Variants in SREBF2 observed in about 807,000 individuals in gnomAD.
The protein encoded by SREBF2 is sterol regulatory element binding transcription factor 2, also known as sterol regulatory element-binding protein 2.
Under a neutral mutation model 113.1 loss-of-function variants are expected in SREBF2, and 55 were observed. That is an observed-to-expected ratio of 0.49 (90% CI 0.39 to 0.61). SREBF2 has a LOEUF of 0.61. SREBF2 is among the 20% of genes least tolerant of loss of function. The pLI is 0.00. For missense variants in SREBF2, 1,349 were observed against 1,487.4 expected, an observed-to-expected ratio of 0.91 and a Z score of 1.53; for synonymous variants, 593 against 605.7, an observed-to-expected ratio of 0.98 and a Z score of 0.31.
chr22:41,899,174 A>C (rs75036403), intron 15 of SREBF2: 2 of 1,133,576 alleles, frequency 1.8e-6, no homozygotes, highest in Non-Finnish European at 2.2e-6. Context: ...GTTGCCCCCA[A>C]AACTCATGTG....
At chr22:41,891,682 G>T (rs963701707) in intron 11 of SREBF2, among the ~76,000 whole-genome samples, 4 of 152,204 alleles carry the variant, frequency 2.6e-5, no homozygotes, top group Admixed American at 2.0e-4. Context: ...CTGCTCCTGT[G>T]GGGGCGAGGG....
At chr22:41,853,110 C>G (rs781575457) in intron 1 of SREBF2, among the ~76,000 whole-genome samples, 1 of 152,184 alleles carries the variant, frequency 6.6e-6, no homozygotes, top group Non-Finnish European at 1.5e-5. Context: ...GCCTCTGCCT[C>G]CTCAACCCCA....
chr22:41,886,362 T>G (rs1283625681), intron 11 of SREBF2: 1 of 152,046 alleles, frequency 6.6e-6, no homozygotes, highest in Non-Finnish European at 1.5e-5. Context: ...CTGGGGAAGG[T>G]GAATCTAGGC....
intron 13 of SREBF2, among the ~76,000 whole-genome samples, chr22:41,896,369 G>T (rs1386088287): frequency 6.6e-6 from 1 of 151,968 alleles, no homozygotes; most frequent in Non-Finnish European, 1.5e-5. Context: ...GTTTTTTGGG[G>T]GGTTTTTTGA....
chr22:41,852,595 G>A (rs2148355603), intron 1 of SREBF2, among the ~76,000 whole-genome samples: 1 of 151,864 alleles, frequency 6.6e-6, no homozygotes, highest in African/African-American at 2.4e-5. Flanking sequence ...TCCCAGTTTT[G>A]GTCACTTTTT....
intron 11 of SREBF2, among the ~76,000 whole-genome samples, chr22:41,891,891 A>G (rs1224183553): frequency 6.6e-6 from 1 of 152,234 alleles, no homozygotes; most frequent in Admixed American, 6.5e-5. Context: ...AAAAAGTGAC[A>G]GAACTGAAAA....
rs9611677 is a variant in SREBF2 at position 41,851,352 on chromosome 22, T to G, written c.89-15479T>G. On this transcript the variant is annotated intron_variant, in intron 1 of 18. Transcript: ENST00000361204. ...CCTGGGGATTTTCCCCTTTTTAAAT[T>G]TATGTTTAAAAAAAAAAACTATGGA... is the stretch of plus-strand genomic sequence containing the variant. Among the ~76,000 whole-genome samples, 1,170 of 152,120 alleles carry G rather than the reference T, an allele frequency of 7.7e-3. 6 individuals carry two copies. Among genetic ancestry groups the G allele is most frequent in the South Asian group, 0.018 (87 of 4,822 alleles).
intron 12 of SREBF2, 75 bp from the exon 13 acceptor site, chr22:41,894,745 G>T: frequency 7.9e-7 from 1 of 1,272,820 alleles, no homozygotes; most frequent in Non-Finnish European, 1.2e-6. Flanking sequence ...GCTGTGTTTG[G>T]AGTTTCTCTC....
chr22:41,852,153 G>A (rs1258161583), intron 1 of SREBF2, among the ~76,000 whole-genome samples: 1 of 150,772 alleles, frequency 6.6e-6, no homozygotes, highest in African/African-American at 2.4e-5. Flanking sequence ...CAAACCTATG[G>A]GGACCTGGCC....
Position 41,874,003 on chromosome 22 carries a change from TG to T in SREBF2, c.1077del (p.Thr360GlnfsTer11). 1 of 1,614,128 alleles carries T rather than the reference TG, an allele frequency of 6.2e-7. No homozygotes were observed. Among genetic ancestry groups the T allele is most frequent in the Non-Finnish European group, 8.5e-7 (1 of 1,180,020 alleles). On this transcript the variant is annotated frameshift_variant, in exon 5 of 19. Transcript: ENST00000361204. LOFTEE classifies it high-confidence loss of function. ...ATCATCGAATTGAAAGACCTGGTCA[TG>T]GGGACAGACGCCAAGGTGGGTGCCA... ...DKIIELKDLV[M>X]GTDAKMHKSG...
At chr22:41,870,628 C>CAA (rs133289) in intron 3 of SREBF2, among the ~76,000 whole-genome samples, 405 of 56,060 alleles carry the variant, frequency 7.2e-3, no homozygotes, top group Middle Eastern at 0.027. Flanking sequence ...CCTGTCTCAG[C>CAA]AAAAAAAAAA....
chr22:41,843,422 G>A (rs988316814), intron 1 of SREBF2, among the ~76,000 whole-genome samples: 16 of 152,236 alleles, frequency 1.1e-4, no homozygotes, highest in Admixed American at 1.0e-3. Flanking sequence ...GGCCTTGGGT[G>A]CCAGGCACCG....
chr22:41,858,022 T>A (rs1280806278), intron 1 of SREBF2, among the ~76,000 whole-genome samples: 1 of 152,188 alleles, frequency 6.6e-6, no homozygotes, highest in Non-Finnish European at 1.5e-5. Flanking sequence ...ATATTGATCT[T>A]CAGGTTTGTT....
intron 12 of SREBF2, among the ~76,000 whole-genome samples, chr22:41,894,392 G>A (rs563117824): frequency 3.0e-4 from 45 of 152,288 alleles, no homozygotes; most frequent in Admixed American, 9.8e-4. Flanking sequence ...TGGAAAAACC[G>A]GAGCATGTTC....
Position 41,867,126 on chromosome 22 carries a change from T to G in SREBF2, c.384T>G (p.Thr128=), listed in dbSNP as rs779997857. 3.1e-6 allele frequency: 5 copies of G among 1,613,944 alleles called. No individual in the cohort carries two copies. Among genetic ancestry groups the G allele is most frequent in the Non-Finnish European group, 4.2e-6 (5 of 1,180,008 alleles). The change falls in exon 2 of 19, where the codon ACT becomes ACG. Residue 128 remains threonine, a synonymous_variant. Coordinates refer to ENST00000361204, the MANE Select transcript of SREBF2 (RefSeq NM_004599.4). ...PTSVPTTPRA[T]PILQPRPQPQ... Reference sequence around the variant, plus strand: ...CAGTTCCCACCACACCCAGGGCAACTCCTATTCTTCAGCCCCGCCCCCAGC... The same window carrying G: ...CAGTTCCCACCACACCCAGGGCAACGCCTATTCTTCAGCCCCGCCCCCAGC...
intron 15 of SREBF2, chr22:41,899,660 G>A: frequency 1.3e-6 from 1 of 746,182 alleles, no homozygotes; most frequent in Non-Finnish European, 1.6e-6. Flanking sequence ...TAAGCACCCA[G>A]CCCGGTATAG....
chr22:41,884,906 T>C lies in SREBF2; in HGVS notation c.2103T>C (p.Ala701=). The change falls in exon 11 of 19, where the codon GCT becomes GCC. Residue 701 remains alanine, a synonymous_variant. Transcript: ENST00000361204. ...VHMALCAVNL[A]ECAEEKIPPS... Reference sequence around the variant, plus strand: ...TGGCGTTGTGTGCCGTGAACCTGGCTGAATGTGCAGAGGAGAAGATCCCAC... The same window carrying C: ...TGGCGTTGTGTGCCGTGAACCTGGCCGAATGTGCAGAGGAGAAGATCCCAC... 6.2e-7 allele frequency: 1 copy of C among 1,614,198 alleles called. No homozygotes were observed. The highest frequency in any genetic ancestry group is 1.3e-5 in the African/African-American group (1 of 75,046).
intron 1 of SREBF2, among the ~76,000 whole-genome samples, chr22:41,847,232 G>A (rs751257173): frequency 6.6e-6 from 1 of 152,210 alleles, no homozygotes; most frequent in Non-Finnish European, 1.5e-5. Flanking sequence ...CCCCCAGGAG[G>A]AGGACAGTTC....
chr22:41,894,786 T>G, intron 12 of SREBF2, 34 bp from the exon 13 acceptor site: 1 of 1,576,574 alleles, frequency 6.3e-7, no homozygotes, highest in Non-Finnish European at 8.7e-7. Context: ...ATAAATGAGC[T>G]CCATTTAACC....
Sources: allele counts gnomAD v4.1 joint callset (sites outside exome capture counted in the v4.1 genomes callset), GRCh38; gene constraint gnomAD v4.1.1; transcripts MANE v1.5; gene names NCBI Gene and HGNC (gene_info 2026-07-23, HGNC 2026-07-21).